Variants in SLC9A9 observed in about 807,000 individuals in gnomAD.
SLC9A9 encodes the protein solute carrier family 9 member A9.
A neutral mutation model predicts 77.8 loss-of-function variants in SLC9A9; 62 were observed. That is an observed-to-expected ratio of 0.80 (90% CI 0.65 to 0.98). The LOEUF (loss-of-function observed/expected upper bound fraction) is 0.98, where lower values mean the gene tolerates loss of function less well. Ranked by LOEUF, SLC9A9 falls within the 50% of genes least tolerant of loss-of-function variation. SLC9A9 has a pLI of 0.00. For missense variants in SLC9A9, 775 were observed against 774.9 expected, an observed-to-expected ratio of 1.00 and a Z score of 0.00; for synonymous variants, 320 against 283.5, an observed-to-expected ratio of 1.13 and a Z score of -1.29.
intron 4 of SLC9A9, among the ~76,000 whole-genome samples, chr3:143,779,458 T>C (rs897608889): frequency 2.6e-5 from 4 of 152,038 alleles, no homozygotes; most frequent in African/African-American, 9.7e-5. Flanking sequence ...TGCAACCTCC[T>C]CCTCCTGGGT....
chr3:143,556,375 C>T (rs1265981884), intron 8 of SLC9A9, among the ~76,000 whole-genome samples: 2 of 152,214 alleles, frequency 1.3e-5, no homozygotes, highest in Non-Finnish European at 2.9e-5. Context: ...GCCCTATAAA[C>T]CATGCTTTCC....
At chr3:143,482,057 T>C (rs1398083643) in intron 11 of SLC9A9, among the ~76,000 whole-genome samples, 1 of 152,178 alleles carries the variant, frequency 6.6e-6, no homozygotes, top group African/African-American at 2.4e-5. Context: ...GTCTACACCT[T>C]GGCAGGGGCT....
chr3:143,548,660 A>G (rs1250502729), intron 9 of SLC9A9, among the ~76,000 whole-genome samples: 1 of 152,212 alleles, frequency 6.6e-6, no homozygotes, highest in Non-Finnish European at 1.5e-5. Context: ...TGCCTCTGTC[A>G]TACTGCTTTT....
intron 6 of SLC9A9, among the ~76,000 whole-genome samples, chr3:143,625,151 T>A (rs182769770): frequency 6.6e-6 from 1 of 152,174 alleles, no homozygotes; most frequent in Non-Finnish European, 1.5e-5. Flanking sequence ...CATGCTCATG[T>A]GTAGGAAGAA....
At chr3:143,320,244 A>G (rs994652648) in intron 14 of SLC9A9, among the ~76,000 whole-genome samples, 1 of 152,246 alleles carries the variant, frequency 6.6e-6, no homozygotes, top group Non-Finnish European at 1.5e-5. Flanking sequence ...GGTGCATAGT[A>G]GTTGCTCAAT....
chr3:143,297,987 T>C (rs2030354234), intron 14 of SLC9A9, among the ~76,000 whole-genome samples: 1 of 152,182 alleles, frequency 6.6e-6, no homozygotes, highest in Admixed American at 6.5e-5. Flanking sequence ...AGGCCTAACT[T>C]AACCTCAAAC....
chr3:143,737,102 TTAA>T (rs1934958564), intron 4 of SLC9A9, among the ~76,000 whole-genome samples: 1 of 152,188 alleles, frequency 6.6e-6, no homozygotes, highest in African/African-American at 2.4e-5. Flanking sequence ...TCATGCCACA[TTAA>T]TAATGTCAAA....
chr3:143,562,090 T>C (rs1282348442), intron 8 of SLC9A9, among the ~76,000 whole-genome samples: 1 of 152,218 alleles, frequency 6.6e-6, no homozygotes, highest in East Asian at 1.9e-4. Flanking sequence ...TAGTTATCTA[T>C]TGAGATCCTA....
chr3:143,623,297 T>C (rs1177662967), intron 6 of SLC9A9, among the ~76,000 whole-genome samples: 1 of 152,120 alleles, frequency 6.6e-6, no homozygotes. Flanking sequence ...CCACCCCAAA[T>C]CAACAGAATA....
chr3:143,713,795 G>T (rs1934259988), intron 4 of SLC9A9, among the ~76,000 whole-genome samples: 1 of 152,166 alleles, frequency 6.6e-6, no homozygotes, highest in South Asian at 2.1e-4. Context: ...AACTTTTAAG[G>T]TGATTTCAAA....
intron 4 of SLC9A9, among the ~76,000 whole-genome samples, chr3:143,744,789 G>A (rs1935165933): frequency 6.6e-6 from 1 of 152,172 alleles, no homozygotes; most frequent in Non-Finnish European, 1.5e-5. Flanking sequence ...TGGAGAATCA[G>A]AGGAAAGAGG....
At chr3:143,594,730 T>C (rs545421975) in intron 6 of SLC9A9, among the ~76,000 whole-genome samples, 1 of 151,994 alleles carries the variant, frequency 6.6e-6, no homozygotes, top group South Asian at 2.1e-4. Flanking sequence ...TCTGCACATT[T>C]TCTTGGCTCT....
chr3:143,535,562 G>A (rs570117862), intron 9 of SLC9A9, among the ~76,000 whole-genome samples: 2 of 152,164 alleles, frequency 1.3e-5, no homozygotes, highest in East Asian at 1.9e-4. Flanking sequence ...TATTACCAAC[G>A]AGTTTAATAT....
intron 12 of SLC9A9, among the ~76,000 whole-genome samples, chr3:143,415,310 G>A (rs564049788): frequency 2.0e-5 from 3 of 152,312 alleles, no homozygotes; most frequent in Non-Finnish European, 2.9e-5. Context: ...ACGGTCTTAC[G>A]TTGGAAAAAG....
At chr3:143,616,454 G>A (rs1255287593) in intron 6 of SLC9A9, among the ~76,000 whole-genome samples, 1 of 152,102 alleles carries the variant, frequency 6.6e-6, no homozygotes, top group African/African-American at 2.4e-5. Flanking sequence ...TGAATGAAGA[G>A]GCAAATAGTT....
At chr3:143,555,390 A>G (rs1056142973) in intron 8 of SLC9A9, among the ~76,000 whole-genome samples, 8 of 152,218 alleles carry the variant, frequency 5.3e-5, no homozygotes, top group African/African-American at 1.9e-4. Flanking sequence ...ACTGTAACAC[A>G]AGGCAAAGCT....
At chr3:143,766,347 T>A (rs1412591245) in intron 4 of SLC9A9, among the ~76,000 whole-genome samples, 2 of 152,108 alleles carry the variant, frequency 1.3e-5, no homozygotes, top group Non-Finnish European at 2.9e-5. Flanking sequence ...TTTAAAAGGA[T>A]GTAAAGTCAG....
chr3:143,649,342 G>A (rs1361981022), intron 6 of SLC9A9, among the ~76,000 whole-genome samples: 2 of 152,164 alleles, frequency 1.3e-5, no homozygotes, highest in African/African-American at 2.4e-5. Context: ...TGAAATAAGA[G>A]TATGGGTTAG....
At chr3:143,718,335 A>T (rs376326578) in intron 4 of SLC9A9, among the ~76,000 whole-genome samples, 16 of 152,264 alleles carry the variant, frequency 1.1e-4, no homozygotes, top group Admixed American at 6.5e-4. Context: ...CACACACAGG[A>T]TTTTGAGAAG....
Sources: gnomAD v4.1 joint callset for allele counts (sites outside exome capture counted in the v4.1 genomes callset) on GRCh38, gnomAD v4.1.1 for gene constraint, MANE v1.5 for transcripts, NCBI Gene and HGNC (gene_info 2026-07-23, HGNC 2026-07-21) for gene names.